Variants in ARHGAP39 observed in about 807,000 individuals in gnomAD.
The protein encoded by ARHGAP39 is Rho GTPase activating protein 39, also known as rho GTPase-activating protein 39.
Under a neutral mutation model 106.9 loss-of-function variants are expected in ARHGAP39, and 44 were observed. The observed-to-expected ratio is 0.41, with a 90% CI of 0.32 to 0.53. ARHGAP39 has a LOEUF of 0.53. Ranked by LOEUF, ARHGAP39 falls within the 20% of genes least tolerant of loss-of-function variation. The probability of loss-of-function intolerance (pLI) is 0.21; values close to 1 mark genes in which losing one functional copy is unlikely to be tolerated. For synonymous variants in ARHGAP39, 768 were observed against 693.2 expected (o/e 1.11, Z -1.69); for missense variants, 1,496 against 1,577.3 (o/e 0.95, Z 0.87).
At chr8:144,678,036 C>T (rs952944961) in intron 1 of ARHGAP39, among the ~76,000 whole-genome samples, 1 of 152,212 alleles carries the variant, frequency 6.6e-6, no homozygotes, top group African/African-American at 2.4e-5. Context: ...CTGAGGGCAA[C>T]TCCCCATCCT....
rs551675278 is a variant in ARHGAP39, at chr8:144,609,455, G to A, written c.-81-3760C>T. On this transcript the variant is annotated intron_variant, in intron 1 of 11. Coordinates refer to ENST00000377307, the MANE Select transcript of ARHGAP39 (RefSeq NM_025251.3). The stretch of plus-strand genomic sequence containing the variant: ...CTCAGTCTGTTGCCCAGGCTGGAGG[G>A]CAGTGGCATGATCTCGGCTGACTGC... 2.0e-4 allele frequency among the ~76,000 whole-genome samples: 30 copies of A among 149,974 alleles called. No individual in the cohort carries two copies. The South Asian group carries it at 6.4e-3, about 32-fold the overall frequency.
intron 1 of ARHGAP39, among the ~76,000 whole-genome samples, chr8:144,611,630 G>A (rs747507995): frequency 3.9e-5 from 6 of 152,178 alleles, no homozygotes; most frequent in South Asian, 2.1e-4. Flanking sequence ...CAGTACATTT[G>A]ATATTACAGT....
In ARHGAP39 at chr8:144,581,179, C is replaced by G; in HGVS notation, c.179G>C (p.Arg60Pro). 6.4e-7 allele frequency: 1 copy of G among 1,565,088 alleles called. No homozygotes were observed. Among genetic ancestry groups the G allele is most frequent in the Non-Finnish European group, 8.7e-7 (1 of 1,155,474 alleles). ...CTGGTTCTCGCTGGTGCGCTTGATGCGGACGCCGGCCGGCGGGTCCCACAC... is the reference window on the plus strand; with the variant it reads ...CTGGTTCTCGCTGGTGCGCTTGATGGGGACGCCGGCCGGCGGGTCCCACAC... ...ECVWDPPAGV[R>P]IKRTSENQWW... Residue 60 changes from arginine (R) to proline (P), a missense_variant, in exon 3 of 12, where the codon CGC becomes CCC. Arg to Pro is a moderately radical substitution (Grantham distance 103, BLOSUM62 -2). Around this residue, in one of 4 missense-constraint regions of ARHGAP39, gnomAD observed 96 missense variants for 107.9 expected, o/e 0.89. Coordinates refer to ENST00000377307, the MANE Select transcript of ARHGAP39 (RefSeq NM_025251.3).
chr8:144,564,810 T>TAAAAAAAAA (rs761575851), intron 3 of ARHGAP39, among the ~76,000 whole-genome samples: 1 of 109,506 alleles, frequency 9.1e-6, no homozygotes. Flanking sequence ...GTGAGATCTC[T>TAAAAAAAAA]AAAAAAAAAA....
Position 144,684,700 on chromosome 8 carries a change from C to T in ARHGAP39, c.-82+986G>A, listed in dbSNP as rs531818997. On this transcript the variant is annotated intron_variant, in intron 1 of 11. Transcript: ENST00000377307. The surrounding 1 kb of genome is among the most constrained non-coding windows in gnomAD (Gnocchi z 4.4). ...CTCTCTCGCCGCCCTGGGCACGGAA[C>T]GCCGCCTCCACCCACAGCACTCCAG... 1.5e-4 allele frequency among the ~76,000 whole-genome samples: 23 copies of T among 152,206 alleles called. No homozygotes were observed. The highest frequency in any genetic ancestry group is 2.9e-4 in the Non-Finnish European group (20 of 68,030).
chr8:144,583,352 C>T (rs1263383874), intron 2 of ARHGAP39, among the ~76,000 whole-genome samples: 1 of 152,268 alleles, frequency 6.6e-6, no homozygotes, highest in African/African-American at 2.4e-5. Context: ...CACCGCGTGT[C>T]ACCTCCCTGA....
intron 2 of ARHGAP39, among the ~76,000 whole-genome samples, chr8:144,600,386 G>A (rs1019749531): frequency 2.6e-5 from 4 of 151,312 alleles, no homozygotes; most frequent in Non-Finnish European, 4.4e-5. Flanking sequence ...ACCTACCTGC[G>A]TGTGTGGAGG....
At chr8:144,603,043 G>A (rs1301158254) in intron 2 of ARHGAP39, among the ~76,000 whole-genome samples, 1 of 145,284 alleles carries the variant, frequency 6.9e-6, no homozygotes, top group East Asian at 2.1e-4. Context: ...GTGCGTGGAG[G>A]CGTGTGTGTG....
chr8:144,546,325 T>G (rs1451165350), intron 5 of ARHGAP39, among the ~76,000 whole-genome samples: 1 of 152,118 alleles, frequency 6.6e-6, no homozygotes, highest in Non-Finnish European at 1.5e-5. Flanking sequence ...ACCTGGTCCA[T>G]GCACCCTGGG....
intron 1 of ARHGAP39, among the ~76,000 whole-genome samples, chr8:144,662,841 G>A (rs1377224106): frequency 3.9e-5 from 2 of 50,772 alleles, no homozygotes; most frequent in Non-Finnish European, 7.4e-5. Context: ...ACCTTAAACC[G>A]CTCACCACTC....
chr8:144,601,247 GA>G (rs1819914143), intron 2 of ARHGAP39, among the ~76,000 whole-genome samples: 1 of 122,834 alleles, frequency 8.1e-6, no homozygotes, highest in African/African-American at 3.1e-5. Context: ...TGTGTGCATG[GA>G]GGCGTGTGTG....
At chr8:144,587,939 G>A (rs777134229) in intron 2 of ARHGAP39, among the ~76,000 whole-genome samples, 7 of 152,302 alleles carry the variant, frequency 4.6e-5, no homozygotes, top group African/African-American at 9.6e-5. Context: ...CACCGCGCCC[G>A]GCCAGAAGAA....
chr8:144,562,720 T>C (rs1165836850), intron 3 of ARHGAP39, among the ~76,000 whole-genome samples: 1 of 148,566 alleles, frequency 6.7e-6, no homozygotes, highest in Non-Finnish European at 1.5e-5. Context: ...TCCATCGGAC[T>C]CACTCCAGTG....
chr8:144,676,148 C>T (rs148711302), intron 1 of ARHGAP39, among the ~76,000 whole-genome samples: 7 of 152,320 alleles, frequency 4.6e-5, no homozygotes, highest in African/African-American at 1.7e-4. Flanking sequence ...GGGACCCCAG[C>T]GTGTTGCCGC....
At position 144,533,330 on chromosome 8, in the gene ARHGAP39, GA is replaced by G. The variant is rs768977108; in HGVS notation, c.2689-6del. ...CACGTTGGGCTTCTTCAGCCCCTGTGAAGACAGAGGCTCCGTCCTGGTCTGG... is the reference window on the plus strand; with the variant it reads ...CACGTTGGGCTTCTTCAGCCCCTGTGAGACAGAGGCTCCGTCCTGGTCTGG... On this transcript the variant is annotated splice_polypyrimidine_tract_variant and splice_region_variant and intron_variant, in intron 8 of 11. Transcript: ENST00000377307. 1 of 1,612,112 alleles carries G rather than the reference GA, an allele frequency of 6.2e-7. No individual in the cohort carries two copies. The highest frequency in any genetic ancestry group is 1.1e-5 in the South Asian group (1 of 91,076).
At chr8:144,666,525 T>C (rs1360107024) in intron 1 of ARHGAP39, among the ~76,000 whole-genome samples, 3 of 152,172 alleles carry the variant, frequency 2.0e-5, no homozygotes, top group Admixed American at 2.0e-4. Flanking sequence ...ACTCGAATCA[T>C]GGGATCTGGT....
intron 4 of ARHGAP39, among the ~76,000 whole-genome samples, chr8:144,549,089 G>T (rs757520358): frequency 6.6e-6 from 1 of 152,256 alleles, no homozygotes; most frequent in African/African-American, 2.4e-5. Context: ...CCGGAGTCAC[G>T]CTGTCTGCGT....
chr8:144,575,127 T>TA (rs1364007246), intron 3 of ARHGAP39, among the ~76,000 whole-genome samples: 4 of 152,096 alleles, frequency 2.6e-5, no homozygotes, highest in Non-Finnish European at 5.9e-5. Flanking sequence ...GTATAAAAGA[T>TA]AAAAAATGGC....
chr8:144,670,663 C>G lies in ARHGAP39; in HGVS notation c.-82+15023G>C, dbSNP rs1822079097. ...CCAGGGCTGCCACATGAGCTGATCC[C>G]CACCATCTTCTCCTGCAGGCCCCAG... On this transcript the variant is annotated intron_variant, in intron 1 of 11. Transcript: ENST00000377307. This position sits in a 1 kb window ranked among gnomAD's most constrained non-coding sequence, Gnocchi z 4.4. Among the ~76,000 whole-genome samples, 1 of 152,106 alleles carries G rather than the reference C, an allele frequency of 6.6e-6. No homozygotes were observed. The highest frequency in any genetic ancestry group is 2.4e-5 in the African/African-American group (1 of 41,398).
Sources: gnomAD v4.1 joint callset for allele counts (sites outside exome capture counted in the v4.1 genomes callset) on GRCh38, gnomAD v4.1.1 for gene constraint, gnomAD v4.1.1 regional missense constraint, Gnocchi (gnomAD v3.1) non-coding constraint, MANE v1.5 for transcripts, NCBI Gene and HGNC (gene_info 2026-07-23, HGNC 2026-07-21) for gene names.